Variants in DRC8 observed in about 807,000 individuals in gnomAD.
The protein encoded by DRC8 is dynein regulatory complex protein 8.
chr1:245,018,700 A>T, the DRC8 span, among the ~76,000 whole-genome samples: 1 of 152,188 alleles, frequency 6.6e-6, no homozygotes, highest in Non-Finnish European at 1.5e-5. Flanking sequence ...AAAGTATGGC[A>T]TTATGAGAGA....
At chr1:244,983,599 T>C in the DRC8 span, among the ~76,000 whole-genome samples, 2 of 151,514 alleles carry the variant, frequency 1.3e-5, no homozygotes, top group African/African-American at 4.9e-5. Flanking sequence ...AATTAGCCAG[T>C]TGTGGTGGCG....
At chr1:245,084,059 T>TC in the DRC8 span, among the ~76,000 whole-genome samples, 7 of 31,104 alleles carry the variant, frequency 2.3e-4, no homozygotes, top group African/African-American at 5.0e-4. Context: ...ATATAAAAAT[T>TC]CCGCCCCCCC....
At chr1:244,997,285 G>A in the DRC8 span, among the ~76,000 whole-genome samples, 29,925 of 144,878 alleles carry the variant, frequency 0.21, 3,060 homozygotes, top group South Asian at 0.28. Context: ...TTACTCTAAC[G>A]TGAATAAACT....
chr1:245,017,123 A>G, the DRC8 span: 3 of 904,070 alleles, frequency 3.3e-6, no homozygotes, highest in Non-Finnish European at 4.9e-6. Context: ...TGATACATAA[A>G]TATAAGGAGA....
At chr1:245,098,971 C>T in the DRC8 span, among the ~76,000 whole-genome samples, 10 of 152,256 alleles carry the variant, frequency 6.6e-5, no homozygotes, top group South Asian at 1.0e-3. Flanking sequence ...AAAGAATGAA[C>T]GGGCAACATG....
the DRC8 span, chr1:245,043,868 A>C: frequency 6.7e-6 from 1 of 150,310 alleles, no homozygotes; most frequent in African/African-American, 2.4e-5. Flanking sequence ...AACTATTGTT[A>C]AAGCTAGTTT....
the DRC8 span, among the ~76,000 whole-genome samples, chr1:245,117,769 G>C: frequency 2.0e-5 from 3 of 152,122 alleles, no homozygotes; most frequent in African/African-American, 7.2e-5. Flanking sequence ...AGGAGTTCAA[G>C]ACCAGCCTGG....
At chr1:245,051,895 C>T in the DRC8 span, among the ~76,000 whole-genome samples, 3 of 137,828 alleles carry the variant, frequency 2.2e-5, no homozygotes, top group Non-Finnish European at 4.8e-5. Flanking sequence ...TCCAAGGCTA[C>T]GAGCACGAGG....
chr1:244,973,095 G>A, the DRC8 span, among the ~76,000 whole-genome samples: 24 of 152,170 alleles, frequency 1.6e-4, no homozygotes, highest in African/African-American at 5.8e-4. Context: ...TAAGTTTTGA[G>A]GATTCACTCA....
At chr1:244,969,933 C>G in the DRC8 span, 8 of 486,298 alleles carry the variant, frequency 1.6e-5, no homozygotes, top group Non-Finnish European at 2.1e-5. Flanking sequence ...TCTATCACCC[C>G]CTTGGGAGCC....
At chr1:245,056,364 C>G in the DRC8 span, among the ~76,000 whole-genome samples, 1 of 152,130 alleles carries the variant, frequency 6.6e-6, no homozygotes, top group African/African-American at 2.4e-5. Flanking sequence ...GGTGCCATCT[C>G]AGCTCACTGC....
At chr1:245,034,327 G>A in the DRC8 span, among the ~76,000 whole-genome samples, 1 of 152,022 alleles carries the variant, frequency 6.6e-6, no homozygotes, top group African/African-American at 2.4e-5. Context: ...CAGGATGGGC[G>A]CAGTGGCTCA....
the DRC8 span, among the ~76,000 whole-genome samples, chr1:245,017,588 T>A: frequency 1.3e-5 from 2 of 152,224 alleles, no homozygotes; most frequent in Non-Finnish European, 2.9e-5. Context: ...GTGACTGAGA[T>A]GAACTCTATT....
the DRC8 span, among the ~76,000 whole-genome samples, chr1:245,089,096 G>A: frequency 2.0e-5 from 3 of 152,170 alleles, no homozygotes; most frequent in Admixed American, 2.0e-4. This position sits in a 1 kb window ranked among gnomAD's most constrained non-coding sequence, Gnocchi z 4.8. Context: ...AGGCTATTTG[G>A]TTGGTGGGAG....
chr1:245,025,752 G>A, the DRC8 span, among the ~76,000 whole-genome samples: 1 of 152,180 alleles, frequency 6.6e-6, no homozygotes, highest in Non-Finnish European at 1.5e-5. Context: ...TGTTGTGGGA[G>A]GGACCCGGTA....
At chr1:245,028,028 A>T in the DRC8 span, among the ~76,000 whole-genome samples, 1 of 152,054 alleles carries the variant, frequency 6.6e-6, no homozygotes, top group South Asian at 2.1e-4. Flanking sequence ...AGTAGCTGGG[A>T]CCACAGGTAC....
chr1:245,082,110 A>C, the DRC8 span: 2 of 1,612,660 alleles, frequency 1.2e-6, no homozygotes, highest in Non-Finnish European at 1.7e-6. Context: ...CACTGGATAC[A>C]TTCGATTCGA....
the DRC8 span, among the ~76,000 whole-genome samples, chr1:245,084,066 C>CCT: frequency 1.7e-5 from 2 of 118,902 alleles, no homozygotes; most frequent in Non-Finnish European, 1.8e-5. Context: ...AATTCCGCCC[C>CCT]CCCCCCGGCG....
chr1:245,047,687 C>T, the DRC8 span, among the ~76,000 whole-genome samples: 1 of 147,422 alleles, frequency 6.8e-6, no homozygotes, highest in African/African-American at 2.5e-5. Context: ...TCATAAGGGG[C>T]TGGTGCAGTG....
Sources: allele counts gnomAD v4.1 joint callset (sites outside exome capture counted in the v4.1 genomes callset), GRCh38; gene constraint gnomAD v4.1.1; non-coding constraint Gnocchi (gnomAD v3.1); transcripts MANE v1.5; gene names NCBI Gene and HGNC (gene_info 2026-07-23, HGNC 2026-07-21).